The following EYA2 variants were observed in gnomAD, a reference collection of about 807,000 sequenced individuals.
The protein encoded by EYA2 is EYA transcriptional coactivator and phosphatase 2.
EYA2 carries 31 observed loss-of-function variants against 69.2 expected under a neutral mutation model. The ratio of observed to expected loss-of-function variants is 0.45; its 90% confidence interval spans 0.34 to 0.60. EYA2 has a LOEUF of 0.60. Ranked by LOEUF, EYA2 falls within the 20% of genes least tolerant of loss-of-function variation. EYA2 has a pLI of 0.02. For synonymous variants in EYA2, 257 were observed against 279.4 expected (o/e 0.92, Z 0.80); for missense variants, 622 against 701.2 (o/e 0.89, Z 1.28).
chr20:46,918,432 C>T (rs1375582974), intron 1 of EYA2, among the ~76,000 whole-genome samples: 1 of 152,084 alleles, frequency 6.6e-6, no homozygotes, highest in African/African-American at 2.4e-5. Context: ...CCTCAGCCTC[C>T]CGAGTAACTG....
intron 9 of EYA2, among the ~76,000 whole-genome samples, chr20:47,103,625 G>T (rs915835348): frequency 6.6e-6 from 1 of 152,054 alleles, no homozygotes; most frequent in East Asian, 1.9e-4. Flanking sequence ...AGTGTAGGGG[G>T]AAGAGCCCCT....
chr20:46,977,052 A>G (rs1600600535), intron 1 of EYA2, among the ~76,000 whole-genome samples: 1 of 152,248 alleles, frequency 6.6e-6, no homozygotes, highest in East Asian at 1.9e-4. Context: ...ATGAACACCA[A>G]GGTATTTTAT....
intron 1 of EYA2, among the ~76,000 whole-genome samples, chr20:46,928,130 C>T (rs1985495750): frequency 6.6e-6 from 1 of 152,180 alleles, no homozygotes; most frequent in Non-Finnish European, 1.5e-5. Context: ...ATGTCTTGCC[C>T]TACATTACTC....
chr20:47,108,450 C>T (rs1209776611), intron 9 of EYA2, among the ~76,000 whole-genome samples: 1 of 152,214 alleles, frequency 6.6e-6, no homozygotes, highest in Non-Finnish European at 1.5e-5. Flanking sequence ...CTTGTACAGC[C>T]TGCCGAACTG....
At position 47,132,917 on chromosome 20, in the gene EYA2, C is replaced by T. The variant is rs540863864; in HGVS notation, c.889-10142C>T. Reference sequence around the variant, plus strand: ...TTCCAAAGTGCTTCCTGGCAAAGCTCGACCATTGCTAAGATGTAAAGAAAC... The same window carrying T: ...TTCCAAAGTGCTTCCTGGCAAAGCTTGACCATTGCTAAGATGTAAAGAAAC... On this transcript the variant is annotated intron_variant, in intron 9 of 15. Transcript: ENST00000327619. Among the ~76,000 whole-genome samples, 42 of 152,282 alleles carry T rather than the reference C, an allele frequency of 2.8e-4. No homozygotes were observed. In the South Asian group the frequency reaches 8.5e-3, roughly 31 times the overall value.
At chr20:47,015,125 G>T (rs1029878439) in intron 4 of EYA2, among the ~76,000 whole-genome samples, 10 of 152,208 alleles carry the variant, frequency 6.6e-5, no homozygotes, top group Non-Finnish European at 7.3e-5. Flanking sequence ...GAAGTGAATT[G>T]TGTTCCATAA....
chr20:47,074,035 A>G (rs2031415266), intron 6 of EYA2, 123 bp from the exon 7 acceptor site: 2 of 951,618 alleles, frequency 2.1e-6, no homozygotes, highest in Non-Finnish European at 1.5e-6. Context: ...ACCAAAATGA[A>G]GACAGTTTCT....
At position 47,188,209 on chromosome 20, in the gene EYA2, C is replaced by T. The variant is rs989252393; in HGVS notation, c.*76C>T. On this transcript the variant is annotated 3_prime_UTR_variant, in exon 16 of 16. Transcript: ENST00000327619. ...TTCCCCACCTCCCCACCGAGAACTCCAGAGACCCAGATGTTGGACACCAGG... is the reference window on the plus strand; with the variant it reads ...TTCCCCACCTCCCCACCGAGAACTCTAGAGACCCAGATGTTGGACACCAGG... 32 of 1,407,182 alleles carry T rather than the reference C, an allele frequency of 2.3e-5. No homozygotes were observed. The South Asian group carries it at 3.3e-4, about 15-fold the overall frequency. The allele number at this position is 1,407,182 out of a possible 1,614,324, so 87.2% of individuals were successfully genotyped here. A position where few individuals can be genotyped will look rare whatever the true frequency, so the allele number is the denominator to read the frequency against.
At chr20:47,027,012 TAA>T (rs960354790) in intron 5 of EYA2, among the ~76,000 whole-genome samples, 44 of 151,862 alleles carry the variant, frequency 2.9e-4, no homozygotes, top group Middle Eastern at 6.8e-3. Flanking sequence ...CTCCATATTT[TAA>T]CTGAACCACA....
At chr20:47,155,304 G>A (rs190412799) in intron 10 of EYA2, among the ~76,000 whole-genome samples, 8 of 152,122 alleles carry the variant, frequency 5.3e-5, no homozygotes, top group African/African-American at 1.7e-4. Context: ...CCCCGCTGAG[G>A]GGATGAATCG....
At chr20:46,946,138 T>G (rs1978439254) in intron 1 of EYA2, among the ~76,000 whole-genome samples, 1 of 152,144 alleles carries the variant, frequency 6.6e-6, no homozygotes, top group African/African-American at 2.4e-5. Flanking sequence ...TATTTGAACT[T>G]CTTCCTCCTC....
At position 47,001,447 on chromosome 20, in the gene EYA2, C is replaced by G; in HGVS notation, c.129C>G (p.Pro43=). Residue 43 remains proline, a synonymous_variant, in exon 3 of 16, where the codon CCC becomes CCG. Transcript: ENST00000327619. Reference sequence around the variant, plus strand: ...CTGCAGGCATCACCAAATCGGCCCCCCTGAGAGTGTCCCAGCTCTTCTCCA... The same window carrying G: ...CTGCAGGCATCACCAAATCGGCCCCGCTGAGAGTGTCCCAGCTCTTCTCCA... The part of the protein sequence containing the change: ...SDRQGITKSA[P]LRVSQLFSRS... 6.2e-7 allele frequency: 1 copy of G among 1,614,206 alleles called. No individual in the cohort carries two copies. Among genetic ancestry groups the G allele is most frequent in the Non-Finnish European group, 8.5e-7 (1 of 1,180,040 alleles).
intron 9 of EYA2, among the ~76,000 whole-genome samples, chr20:47,136,386 C>T (rs1054900595): frequency 1.3e-5 from 2 of 152,134 alleles, no homozygotes; most frequent in African/African-American, 4.8e-5. Context: ...CCAAGAAATA[C>T]AACCATACAT....
At chr20:47,028,105 C>T (rs1292851286) in intron 5 of EYA2, among the ~76,000 whole-genome samples, 2 of 152,146 alleles carry the variant, frequency 1.3e-5, no homozygotes, top group East Asian at 1.9e-4. Context: ...AGAGAGATCT[C>T]GACCTCCTTG....
chr20:47,046,374 A>G (rs1170770196), intron 5 of EYA2, among the ~76,000 whole-genome samples: 1 of 152,206 alleles, frequency 6.6e-6, no homozygotes, highest in African/African-American at 2.4e-5. Context: ...AGAAGGAAAG[A>G]ATGGACATTG....
chr20:47,064,734 C>T (rs754431980), intron 5 of EYA2, among the ~76,000 whole-genome samples: 1 of 152,166 alleles, frequency 6.6e-6, no homozygotes, highest in Non-Finnish European at 1.5e-5. Context: ...CGTGTTGGGT[C>T]ATGGGACCTT....
chr20:47,130,102 A>G (rs2033300638), intron 9 of EYA2, among the ~76,000 whole-genome samples: 1 of 151,938 alleles, frequency 6.6e-6, no homozygotes. Context: ...TTTTTCCTAA[A>G]GCAGATTTCA....
At chr20:47,030,610 C>T (rs1344937209) in intron 5 of EYA2, among the ~76,000 whole-genome samples, 2 of 149,584 alleles carry the variant, frequency 1.3e-5, no homozygotes, top group Admixed American at 6.7e-5. Context: ...GCCTAGACAA[C>T]AGAACTTTAT....
chr20:47,076,326 A>G (rs1426161861), intron 7 of EYA2, among the ~76,000 whole-genome samples: 1 of 152,228 alleles, frequency 6.6e-6, no homozygotes, highest in East Asian at 1.9e-4. Flanking sequence ...TCCCATGAAC[A>G]ATGTATAAGC....
Sources: gnomAD v4.1 joint callset for allele counts (sites outside exome capture counted in the v4.1 genomes callset) on GRCh38, gnomAD v4.1.1 for gene constraint, MANE v1.5 for transcripts, NCBI Gene and HGNC (gene_info 2026-07-23, HGNC 2026-07-21) for gene names.